Variants in LRRC4C observed in about 807,000 individuals in gnomAD.
LRRC4C encodes the protein leucine-rich repeat-containing protein 4C.
LRRC4C carries 5 observed loss-of-function variants against 33.6 expected under a neutral mutation model. The ratio of observed to expected loss-of-function variants is 0.15; its 90% confidence interval spans 0.08 to 0.31. The LOEUF is 0.31. LRRC4C is among the 10% of genes least tolerant of loss of function. The pLI is 1.00. For synonymous variants in LRRC4C, 329 were observed against 302.0 expected, an observed-to-expected ratio of 1.09 and a Z score of -0.93; for missense variants, 560 against 796.7, an observed-to-expected ratio of 0.70 and a Z score of 3.58.
chr11:41,116,468 G>A (rs1942131570), intron 1 of LRRC4C, among the ~76,000 whole-genome samples: 1 of 152,130 alleles, frequency 6.6e-6, no homozygotes, highest in African/African-American at 2.4e-5. Context: ...TCCTAGAACA[G>A]AGAAAGAGCA....
At chr11:40,596,014 G>T (rs1344976325) in intron 3 of LRRC4C, among the ~76,000 whole-genome samples, 1 of 152,050 alleles carries the variant, frequency 6.6e-6, no homozygotes, top group East Asian at 1.9e-4. Flanking sequence ...CTGTCCTCGC[G>T]AAAGAGTGTT....
chr11:40,281,213 T>G (rs555979518), intron 4 of LRRC4C, among the ~76,000 whole-genome samples: 17 of 152,276 alleles, frequency 1.1e-4, no homozygotes, highest in African/African-American at 3.6e-4. Flanking sequence ...CACACCACTG[T>G]GTAGATGTTA....
intron 1 of LRRC4C, among the ~76,000 whole-genome samples, chr11:40,988,835 G>A (rs1393158098): frequency 2.0e-5 from 3 of 147,954 alleles, no homozygotes; most frequent in Non-Finnish European, 4.4e-5. Flanking sequence ...TCCTGCCTCA[G>A]CCTCCCGAGT....
intron 3 of LRRC4C, among the ~76,000 whole-genome samples, chr11:40,545,952 A>G (rs1454802431): frequency 6.6e-6 from 1 of 152,018 alleles, no homozygotes; most frequent in Non-Finnish European, 1.5e-5. Context: ...GAGTTAATAC[A>G]CCTAGCGTGT....
chr11:41,250,781 A>T (rs1948612912), intron 1 of LRRC4C, among the ~76,000 whole-genome samples: 1 of 152,224 alleles, frequency 6.6e-6, no homozygotes, highest in South Asian at 2.1e-4. Flanking sequence ...TCAAAATGCA[A>T]GCCAATCTGT....
intron 2 of LRRC4C, among the ~76,000 whole-genome samples, chr11:40,752,437 A>T (rs1450034588): frequency 6.6e-6 from 1 of 152,136 alleles, no homozygotes; most frequent in Non-Finnish European, 1.5e-5. Flanking sequence ...AAAGTGGACA[A>T]GTAACCTGAA....
At chr11:40,895,569 G>C (rs537943289) in intron 2 of LRRC4C, among the ~76,000 whole-genome samples, 8 of 152,046 alleles carry the variant, frequency 5.3e-5, no homozygotes, top group South Asian at 2.1e-4. Flanking sequence ...AGATACTTGA[G>C]TCTTCTGTTT....
At chr11:40,423,053 T>C (rs971673727) in intron 3 of LRRC4C, among the ~76,000 whole-genome samples, 56 of 152,124 alleles carry the variant, frequency 3.7e-4, no homozygotes, top group Admixed American at 1.5e-3. Flanking sequence ...TTGGCGGAAG[T>C]GATATATAAC....
intron 3 of LRRC4C, among the ~76,000 whole-genome samples, chr11:40,627,455 G>A (rs2135991375): frequency 6.6e-6 from 1 of 152,246 alleles, no homozygotes; most frequent in Non-Finnish European, 1.5e-5. Flanking sequence ...TTGGAAGAAA[G>A]TGAGCCTTAA....
intron 3 of LRRC4C, among the ~76,000 whole-genome samples, chr11:40,457,905 C>T (rs1952210682): frequency 6.6e-6 from 1 of 152,062 alleles, no homozygotes; most frequent in Non-Finnish European, 1.5e-5. Context: ...TTCTCCTTTT[C>T]TTCTACAGCA....
intron 2 of LRRC4C, among the ~76,000 whole-genome samples, chr11:40,753,533 A>G (rs1056444130): frequency 2.0e-5 from 3 of 147,076 alleles, no homozygotes; most frequent in Non-Finnish European, 3.0e-5. Context: ...CTCAGTTCAC[A>G]GAGGCACTTT....
rs1420082615 is a variant in LRRC4C, at chr11:40,892,054, G to A, written c.-407+41581C>T. On this transcript the variant is annotated intron_variant, in intron 2 of 6. Transcript: ENST00000528697. The stretch of plus-strand genomic sequence containing the variant: ...GGAGGCTGAGGCAGGAGAATAACTT[G>A]AACCCGTGAGGCGGAGCTTGCAGTG... Among the ~76,000 whole-genome samples the A allele has an allele frequency of 3.4e-5, 5 of 146,794 alleles. No individual in the cohort carries two copies. The South Asian group carries it at 8.6e-4, about 25-fold the overall frequency.
At chr11:40,884,834 A>C (rs1955364153) in intron 2 of LRRC4C, among the ~76,000 whole-genome samples, 2 of 152,054 alleles carry the variant, frequency 1.3e-5, no homozygotes, top group South Asian at 4.1e-4. Flanking sequence ...TTTAAAATCT[A>C]TCCCATGGAA....
At chr11:40,642,787 T>C (rs1942202871) in intron 3 of LRRC4C, among the ~76,000 whole-genome samples, 1 of 152,210 alleles carries the variant, frequency 6.6e-6, no homozygotes, top group African/African-American at 2.4e-5. Context: ...GTATTCCTAC[T>C]CTGACAGGAA....
At position 41,459,443 on chromosome 11, in the gene LRRC4C, T is replaced by A. The variant is rs534797301; in HGVS notation, c.-508A>T. ...TCCCGTGACTTACCTTCTTTATGGA[T>A]CCTCAAAGTTCACCAAGGAAAATTT... is the stretch of plus-strand genomic sequence containing the variant. On this transcript the variant is annotated 5_prime_UTR_variant, in exon 1 of 7. Transcript: ENST00000528697. The A allele has an allele frequency of 6.6e-6, 1 of 152,246 alleles. No homozygotes were observed. The highest frequency in any genetic ancestry group is 1.9e-4 in the East Asian group (1 of 5,176). The allele number at this position is 152,246 out of a possible 1,614,324, so 9.4% of individuals were successfully genotyped here. A position where few individuals can be genotyped will look rare whatever the true frequency, so the allele number is the denominator to read the frequency against.
chr11:41,010,405 A>T (rs1326613968), intron 1 of LRRC4C, among the ~76,000 whole-genome samples: 1 of 152,170 alleles, frequency 6.6e-6, no homozygotes, highest in African/African-American at 2.4e-5. Flanking sequence ...TCATTTTAAA[A>T]CATAGCATCT....
intron 1 of LRRC4C, among the ~76,000 whole-genome samples, chr11:41,068,831 T>C (rs1938461549): frequency 6.6e-6 from 1 of 152,138 alleles, no homozygotes; most frequent in Non-Finnish European, 1.5e-5. Flanking sequence ...GGCCGAATTC[T>C]ACCAAAAGAA....
chr11:40,849,571 T>A (rs567234026), intron 2 of LRRC4C, among the ~76,000 whole-genome samples: 2 of 152,250 alleles, frequency 1.3e-5, no homozygotes, highest in African/African-American at 4.8e-5. Context: ...CCTTAACATT[T>A]TTTTTCCCTT....
intron 2 of LRRC4C, among the ~76,000 whole-genome samples, chr11:40,926,211 C>G (rs930334851): frequency 7.2e-5 from 11 of 152,136 alleles, no homozygotes; most frequent in Non-Finnish European, 4.4e-5. Context: ...TTCCAGCAGG[C>G]AGCAATGCCT....
Sources: allele counts gnomAD v4.1 joint callset (sites outside exome capture counted in the v4.1 genomes callset), GRCh38; gene constraint gnomAD v4.1.1; transcripts MANE v1.5; gene names NCBI Gene and HGNC (gene_info 2026-07-23, HGNC 2026-07-21).